WWOX: variants seen among roughly 807,000 people sequenced by gnomAD.
WWOX encodes WW domain-containing oxidoreductase.
Under a neutral mutation model 46.2 loss-of-function variants are expected in WWOX, and 69 were observed. That is an observed-to-expected ratio of 1.49 (90% confidence interval 1.23 to 1.82). The LOEUF is 1.82. Ranked by LOEUF, WWOX falls within the 40% of genes most tolerant of loss-of-function variation. WWOX has a pLI of 0.00. For missense variants in WWOX, 919 were observed against 542.6 expected (o/e 1.69, Z -6.89); for synonymous variants, 359 against 202.6 (o/e 1.77, Z -6.56).
At chr16:79,187,258 A>T (rs548029234) in intron 8 of WWOX, among the ~76,000 whole-genome samples, 1 of 152,232 alleles carries the variant, frequency 6.6e-6, no homozygotes, top group Non-Finnish European at 1.5e-5. Context: ...TTTTTGAGAA[A>T]GCTAAACGTG....
chr16:78,982,793 C>G (rs1188332188), intron 8 of WWOX, among the ~76,000 whole-genome samples: 2 of 152,178 alleles, frequency 1.3e-5, no homozygotes, highest in Admixed American at 1.3e-4. Flanking sequence ...ATATTCTCTT[C>G]TAAAATATAT....
chr16:78,236,900 C>A (rs77213325), intron 5 of WWOX, among the ~76,000 whole-genome samples: 1,710 of 151,938 alleles, frequency 0.011, 22 homozygotes, highest in African/African-American at 0.039. Flanking sequence ...TATGGTGAAA[C>A]CCTATCTCTA....
chr16:78,466,679 C>G (rs947805533), intron 8 of WWOX, among the ~76,000 whole-genome samples: 1 of 152,170 alleles, frequency 6.6e-6, no homozygotes, highest in African/African-American at 2.4e-5. Flanking sequence ...TAAACTCCGT[C>G]TCTACTATAA....
intron 8 of WWOX, among the ~76,000 whole-genome samples, chr16:78,712,414 A>G (rs1335645516): frequency 2.0e-5 from 3 of 151,990 alleles, no homozygotes; most frequent in Admixed American, 6.6e-5. Flanking sequence ...AGGCGGGAGA[A>G]TCGCTTGAAC....
intron 8 of WWOX, among the ~76,000 whole-genome samples, chr16:78,794,934 A>T (rs1030406740): frequency 1.3e-5 from 2 of 152,208 alleles, no homozygotes; most frequent in Non-Finnish European, 2.9e-5. Flanking sequence ...CATACTGCAA[A>T]TATCTATGGT....
In WWOX at chr16:79,149,748, C is replaced by T. The variant is rs189584745; in HGVS notation, c.1057-61860C>T. Among the ~76,000 whole-genome samples, 285 of 152,326 alleles carry T rather than the reference C, an allele frequency of 1.9e-3. 1 individual carries two copies. Among genetic ancestry groups the T allele is most frequent in the African/African-American group, 6.6e-3 (276 of 41,582 alleles). On this transcript the variant is annotated intron_variant, in intron 8 of 8. Transcript: ENST00000566780. Reference sequence around the variant, plus strand: ...TAGGACCGCAGCCAGTGGGTTACAGCAGGAGACCAGACTCCAAGTTCTGGC... The same window carrying T: ...TAGGACCGCAGCCAGTGGGTTACAGTAGGAGACCAGACTCCAAGTTCTGGC...
intron 8 of WWOX, among the ~76,000 whole-genome samples, chr16:78,465,464 G>C (rs2084052291): frequency 6.6e-6 from 1 of 152,194 alleles, no homozygotes; most frequent in African/African-American, 2.4e-5. Context: ...ACAGGTGTGA[G>C]CCACCACACC....
chr16:78,445,153 G>T (rs1184036960), intron 8 of WWOX, among the ~76,000 whole-genome samples: 12 of 152,126 alleles, frequency 7.9e-5, no homozygotes, highest in Admixed American at 7.9e-4. Context: ...TGTACATCAG[G>T]GTATAAGCTG....
intron 8 of WWOX, among the ~76,000 whole-genome samples, chr16:78,545,858 T>TC (rs2151534538): frequency 6.6e-6 from 1 of 152,236 alleles, no homozygotes; most frequent in East Asian, 1.9e-4. Flanking sequence ...TTGGTGCACA[T>TC]CCCTGGTGTC....
At chr16:78,263,441 C>A (rs1037817367) in intron 5 of WWOX, among the ~76,000 whole-genome samples, 2 of 151,984 alleles carry the variant, frequency 1.3e-5, no homozygotes, top group Non-Finnish European at 2.9e-5. Context: ...GAGGGGTTGC[C>A]CAAAGGTGAA....
chr16:78,286,629 C>T (rs2151857928), intron 5 of WWOX, among the ~76,000 whole-genome samples: 1 of 151,940 alleles, frequency 6.6e-6, no homozygotes, highest in East Asian at 1.9e-4. Context: ...GTGGTTTTCA[C>T]TGATGCACTT....
At chr16:78,184,231 C>T (rs1195540646) in intron 5 of WWOX, among the ~76,000 whole-genome samples, 1 of 152,024 alleles carries the variant, frequency 6.6e-6, no homozygotes, top group Non-Finnish European at 1.5e-5. Flanking sequence ...GGCACTTCAG[C>T]CAGAGGTAGG....
chr16:78,308,023 C>T (rs192744446), intron 5 of WWOX, among the ~76,000 whole-genome samples: 12 of 152,268 alleles, frequency 7.9e-5, no homozygotes. Flanking sequence ...GTTGAATCTG[C>T]AGTAGTTGAG....
chr16:78,460,617 A>C (rs895598385), intron 8 of WWOX, among the ~76,000 whole-genome samples: 1 of 152,178 alleles, frequency 6.6e-6, no homozygotes, highest in Non-Finnish European at 1.5e-5. Flanking sequence ...TTGGAGCTTG[A>C]AAGAGGGAGA....
chr16:78,213,221 AGC>A (rs1471212265), intron 5 of WWOX, among the ~76,000 whole-genome samples: 57 of 145,894 alleles, frequency 3.9e-4, no homozygotes, highest in Non-Finnish European at 1.5e-5. Context: ...ACTGTACTCT[AGC>A]CTGGGTGACA....
intron 8 of WWOX, among the ~76,000 whole-genome samples, chr16:79,018,470 C>T (rs1334051336): frequency 1.3e-5 from 2 of 152,064 alleles, no homozygotes; most frequent in Non-Finnish European, 2.9e-5. Context: ...GGAGAAATTG[C>T]CACTTGGTCT....
At chr16:78,920,479 C>A (rs115749769) in intron 8 of WWOX, among the ~76,000 whole-genome samples, 10 of 152,300 alleles carry the variant, frequency 6.6e-5, no homozygotes, top group African/African-American at 2.2e-4. Flanking sequence ...CCCCGAATGA[C>A]TGGAGGAACT....
chr16:78,677,481 C>T (rs1328482934), intron 8 of WWOX, among the ~76,000 whole-genome samples: 1 of 152,168 alleles, frequency 6.6e-6, no homozygotes, highest in East Asian at 1.9e-4. Flanking sequence ...CTTTCAAAAA[C>T]ACAGGTCAAA....
intron 8 of WWOX, among the ~76,000 whole-genome samples, chr16:78,886,892 G>T (rs951926321): frequency 3.9e-5 from 6 of 151,980 alleles, no homozygotes; most frequent in East Asian, 1.9e-4. Context: ...CAGGGGCAAG[G>T]CTACTTTTTC....
Sources: allele counts gnomAD v4.1 joint callset (sites outside exome capture counted in the v4.1 genomes callset), GRCh38; gene constraint gnomAD v4.1.1; transcripts MANE v1.5; gene names NCBI Gene and HGNC (gene_info 2026-07-23, HGNC 2026-07-21).